The following PARM1 variants were observed in gnomAD, a reference collection of about 807,000 sequenced individuals.
PARM1 encodes the protein prostate androgen-regulated mucin-like protein 1.
Under a neutral mutation model 24.6 loss-of-function variants are expected in PARM1, and 14 were observed. That is an observed-to-expected ratio of 0.57 (90% CI 0.38 to 0.89). The LOEUF is 0.89. PARM1 is among the 40% of genes least tolerant of loss of function. The pLI is 0.00. For synonymous variants in PARM1, 179 were observed against 156.6 expected, an observed-to-expected ratio of 1.14 and a Z score of -1.07; for missense variants, 362 against 380.4, an observed-to-expected ratio of 0.95 and a Z score of 0.40.
At chr4:74,959,110 T>C (rs1303229439) in intron 1 of PARM1, among the ~76,000 whole-genome samples, 9 of 152,206 alleles carry the variant, frequency 5.9e-5, no homozygotes, top group Non-Finnish European at 1.2e-4. Flanking sequence ...CTAGTGCAAT[T>C]GAGGAACTGA....
chr4:74,937,177 T>C (rs143586926), intron 1 of PARM1, among the ~76,000 whole-genome samples: 2 of 152,360 alleles, frequency 1.3e-5, no homozygotes, highest in African/African-American at 4.8e-5. Context: ...GTACTTGATA[T>C]ATGTCAGCTT....
chr4:75,006,919 C>T (rs1722779724), intron 1 of PARM1, among the ~76,000 whole-genome samples: 1 of 152,120 alleles, frequency 6.6e-6, no homozygotes, highest in African/African-American at 2.4e-5. Flanking sequence ...AAAGAAACTA[C>T]CATCAGAGTG....
intron 1 of PARM1, among the ~76,000 whole-genome samples, chr4:74,934,892 T>C (rs1721144250): frequency 6.6e-6 from 1 of 152,200 alleles, no homozygotes; most frequent in Admixed American, 6.5e-5. Context: ...GTTTATTTAA[T>C]CATTTCCTTT....
At chr4:74,992,160 A>G (rs1254316100) in intron 1 of PARM1, among the ~76,000 whole-genome samples, 3 of 152,132 alleles carry the variant, frequency 2.0e-5, no homozygotes, top group Non-Finnish European at 4.4e-5. Flanking sequence ...GTGTTCAGCT[A>G]TCAGGAAGGT....
chr4:75,031,233 G>A (rs1405377361), intron 2 of PARM1, among the ~76,000 whole-genome samples: 1 of 152,168 alleles, frequency 6.6e-6, no homozygotes, highest in Non-Finnish European at 1.5e-5. Context: ...GAGCCAGTGG[G>A]TAACAGAATA....
At chr4:74,996,330 A>C (rs114777575) in intron 1 of PARM1, among the ~76,000 whole-genome samples, 1,529 of 152,300 alleles carry the variant, frequency 0.01, 32 homozygotes, top group African/African-American at 0.035. Flanking sequence ...CCTGGTACCT[A>C]GTGGGCTCTA....
rs985300784 is a variant in PARM1 at position 74,984,761 on chromosome 4, C to G, written c.44-27664C>G. On this transcript the variant is annotated intron_variant, in intron 1 of 3. Coordinates refer to ENST00000307428, the MANE Select transcript of PARM1 (RefSeq NM_015393.4). ...ATGCCAGCCTCCTAGGAGCTGAGGTCAAATCCAGCCTTCAGCCTATTTTTG... is the reference window on the plus strand; with the variant it reads ...ATGCCAGCCTCCTAGGAGCTGAGGTGAAATCCAGCCTTCAGCCTATTTTTG... 3.3e-5 allele frequency among the ~76,000 whole-genome samples: 5 copies of G among 152,306 alleles called. 1 individual carries two copies. Among genetic ancestry groups the G allele is most frequent in the Admixed American group, 3.3e-4 (5 of 15,294 alleles).
intron 2 of PARM1, among the ~76,000 whole-genome samples, chr4:75,030,088 A>G (rs1296980046): frequency 2.0e-5 from 3 of 152,174 alleles, no homozygotes; most frequent in Non-Finnish European, 2.9e-5. Flanking sequence ...AAAGAAATTG[A>G]TGCTGAGATC....
At chr4:75,017,720 C>T (rs540888865) in intron 2 of PARM1, among the ~76,000 whole-genome samples, 75 of 152,272 alleles carry the variant, frequency 4.9e-4, no homozygotes, top group Non-Finnish European at 9.7e-4. Context: ...ACCTTGTTTG[C>T]AAATAGGAAG....
chr4:75,019,163 G>T (rs1035679387), intron 2 of PARM1, among the ~76,000 whole-genome samples: 5 of 152,140 alleles, frequency 3.3e-5, no homozygotes, highest in Admixed American at 6.6e-5. Flanking sequence ...TTAAATTTGG[G>T]TCATTTTGTT....
chr4:74,975,072 A>G (rs1336954944), intron 1 of PARM1, among the ~76,000 whole-genome samples: 1 of 152,236 alleles, frequency 6.6e-6, no homozygotes, highest in Non-Finnish European at 1.5e-5. Context: ...CAGACACTGC[A>G]TCAGACATTT....
chr4:74,994,682 GCCTACAGT>G (rs1349180970), intron 1 of PARM1, among the ~76,000 whole-genome samples: 1 of 151,940 alleles, frequency 6.6e-6, no homozygotes, highest in Non-Finnish European at 1.5e-5. Flanking sequence ...GGTGGCATAT[GCCTACAGT>G]CCTGAGGCAG....
chr4:75,030,969 G>A, intron 2 of PARM1, among the ~76,000 whole-genome samples: 1 of 152,188 alleles, frequency 6.6e-6, no homozygotes, highest in Non-Finnish European at 1.5e-5. Flanking sequence ...TTTTCACAAG[G>A]AGGAAATAAA....
intron 1 of PARM1, among the ~76,000 whole-genome samples, chr4:74,946,296 C>G (rs1441172395): frequency 6.6e-6 from 1 of 152,190 alleles, no homozygotes; most frequent in Non-Finnish European, 1.5e-5. Flanking sequence ...GCTAAATTCT[C>G]TTGCATAAAT....
chr4:74,976,540 C>A (rs1180267257), intron 1 of PARM1, among the ~76,000 whole-genome samples: 1 of 152,224 alleles, frequency 6.6e-6, no homozygotes, highest in East Asian at 1.9e-4. Flanking sequence ...TCTGAAGAGG[C>A]TGGGCAGTCC....
At chr4:74,939,270 T>C (rs1273869742) in intron 1 of PARM1, among the ~76,000 whole-genome samples, 2 of 152,104 alleles carry the variant, frequency 1.3e-5, no homozygotes, top group Non-Finnish European at 2.9e-5. Flanking sequence ...AACATGGAGA[T>C]TTAAGAGCAG....
intron 1 of PARM1, among the ~76,000 whole-genome samples, chr4:74,952,190 AATG>A (rs1553968141): frequency 4.6e-5 from 7 of 152,170 alleles, no homozygotes; most frequent in Non-Finnish European, 1.0e-4. Context: ...AATGACCAGT[AATG>A]ATGAGCTTTT....
At chr4:74,986,639 C>T (rs540557516) in intron 1 of PARM1, among the ~76,000 whole-genome samples, 95 of 152,176 alleles carry the variant, frequency 6.2e-4, no homozygotes, top group Non-Finnish European at 4.7e-4. Context: ...AATGCTAAGT[C>T]CAACACAAGG....
rs73826601 is a variant in PARM1 at position 75,001,504 on chromosome 4, C to T, written c.44-10921C>T. On this transcript the variant is annotated intron_variant, in intron 1 of 3. Transcript: ENST00000307428. ...GTTGAGAGGACATGAGGGGGTGTTC[C>T]GGGGTGCTGAAAAGGTTCTGTATCT... Among the ~76,000 whole-genome samples the T allele has an allele frequency of 6.8e-3, 1,036 of 152,166 alleles. 10 individuals are homozygous for T. The highest frequency in any genetic ancestry group is 0.024 in the African/African-American group (1,001 of 41,508).
Sources: allele counts gnomAD v4.1 joint callset (sites outside exome capture counted in the v4.1 genomes callset), GRCh38; gene constraint gnomAD v4.1.1; transcripts MANE v1.5; gene names NCBI Gene and HGNC (gene_info 2026-07-23, HGNC 2026-07-21).